The following DPP9 variants were observed in gnomAD, a reference collection of about 807,000 sequenced individuals.
The protein encoded by DPP9 is dipeptidyl peptidase 9.
Under a neutral mutation model 110.7 loss-of-function variants are expected in DPP9, and 50 were observed. The ratio of observed to expected loss-of-function variants is 0.45; its 90% CI spans 0.36 to 0.57. The LOEUF is 0.57. DPP9 is among the 20% of genes least tolerant of loss of function. DPP9 has a pLI of 0.00. For synonymous variants in DPP9, 561 were observed against 514.4 expected (o/e 1.09, Z -1.23); for missense variants, 1,022 against 1,217.9 (o/e 0.84, Z 2.39).
rs1407879351 is a variant in DPP9 at position 4,723,737 on chromosome 19, CG to C, written c.-153del. ...CGGGTCCAGCGGCGCCTCACGGTCG[CG>C]GCTCCATGCCCGGGACTGCGACCCC... On this transcript the variant is annotated 5_prime_UTR_variant, in exon 1 of 22. An upstream open reading frame in the 5' UTR loses its in-frame stop. Coordinates refer to ENST00000262960, the MANE Select transcript of DPP9 (RefSeq NM_139159.5). 6.5e-6 allele frequency: 1 copy of C among 154,108 alleles called. No homozygotes were observed. The highest frequency in any genetic ancestry group is 1.5e-5 in the Non-Finnish European group (1 of 68,436). The allele number at this position is 154,108 out of a possible 1,614,324, so 9.5% of individuals were successfully genotyped here. A position where few individuals can be genotyped will look rare whatever the true frequency, so the allele number is the denominator to read the frequency against.
At chr19:4,721,543 G>T (rs1300497020) in intron 2 of DPP9, among the ~76,000 whole-genome samples, 1 of 152,198 alleles carries the variant, frequency 6.6e-6, no homozygotes, top group South Asian at 2.1e-4. Flanking sequence ...CACTTTGGGG[G>T]GCTGAGGCGG....
At position 4,676,609 on chromosome 19, in the gene DPP9, C is replaced by T; in HGVS notation, c.2634G>A (p.Glu878=). Residue 878 remains glutamate, a synonymous_variant, in exon 22 of 22, where the codon GAG becomes GAA. Coordinates refer to ENST00000262960, the MANE Select transcript of DPP9 (RefSeq NM_139159.5). This position sits in a 1 kb window ranked among gnomAD's most constrained non-coding sequence, Gnocchi z 4.0. ...AGTGCAGCAACGTGACTTCATAGTG[C>T]TCGCCCGACTCGGGGCAGCGAATAC... The part of the protein sequence containing the change: ...RHSIRCPESG[E]HYEVTLLHFL... 1 of 1,608,968 alleles carries T rather than the reference C, an allele frequency of 6.2e-7. No homozygotes were observed. Among genetic ancestry groups the T allele is most frequent in the Non-Finnish European group, 8.5e-7 (1 of 1,177,800 alleles).
rs763957453 is a variant in DPP9 at position 4,685,525 on chromosome 19, G to C, written c.2031+101C>G. 2 of 1,307,780 alleles carry C rather than the reference G, an allele frequency of 1.5e-6. No individual in the cohort carries two copies. Among genetic ancestry groups the C allele is most frequent in the Non-Finnish European group, 2.1e-6 (2 of 945,142 alleles). The allele number at this position is 1,307,780 out of a possible 1,614,324, so 81.0% of individuals were successfully genotyped here. On this transcript the variant is annotated intron_variant, in intron 17 of 21. Transcript: ENST00000262960. The surrounding 1 kb of genome is among the most constrained non-coding windows in gnomAD (Gnocchi z 5.8). Reference sequence around the variant, plus strand: ...GGGGCACCAGGCAGGTAGCCGGGGAGCCTCCTCTGGTTGACTGTTCTACAG... The same window carrying C: ...GGGGCACCAGGCAGGTAGCCGGGGACCCTCCTCTGGTTGACTGTTCTACAG...
In DPP9 at chr19:4,682,938, C is replaced by A. The variant is rs1405295454; in HGVS notation, c.2332-100G>T. On this transcript the variant is annotated intron_variant, in intron 19 of 21. Transcript: ENST00000262960. The surrounding 1 kb of genome is among the most constrained non-coding windows in gnomAD (Gnocchi z 7.1). ...CCGCTGTCCCGGGGCCGCCCTGGAGCCCGTGAGGAGCGCTCATGCACATGG... is the reference window on the plus strand; with the variant it reads ...CCGCTGTCCCGGGGCCGCCCTGGAGACCGTGAGGAGCGCTCATGCACATGG... The A allele has an allele frequency of 3.9e-6, 6 of 1,535,428 alleles. No individual in the cohort carries two copies. The African/African-American group carries it at 6.8e-5, about 18-fold the overall frequency.
rs1426246943 is a variant in DPP9 at position 4,700,395 on chromosome 19, G to T, written c.1013-118C>A. On this transcript the variant is annotated intron_variant, in intron 9 of 21. Coordinates refer to ENST00000262960, the MANE Select transcript of DPP9 (RefSeq NM_139159.5). This position sits in a 1 kb window ranked among gnomAD's most constrained non-coding sequence, Gnocchi z 4.3. The stretch of plus-strand genomic sequence containing the variant: ...ACAGAGAGGTGTACAATTGGAGTGG[G>T]GGAGGCAGGAGAAGCCAGGTGTCCC... 2.8e-6 allele frequency: 2 copies of T among 722,690 alleles called. No individual in the cohort carries two copies. The highest frequency in any genetic ancestry group is 6.4e-5 in the East Asian group (2 of 31,212). The allele number at this position is 722,690 out of a possible 1,614,324, so 44.8% of individuals were successfully genotyped here.
chr19:4,679,644 C>G lies in DPP9; in HGVS notation c.2586+191G>C, dbSNP rs1420968576. On this transcript the variant is annotated intron_variant, in intron 21 of 21. Transcript: ENST00000262960. ...CAGGCGGAACCCTGAGCTGTCAAGA[C>G]AGGACTGATACATCAATGGCCCTGG... 1.0e-5 allele frequency: 6 copies of G among 593,782 alleles called. No individual in the cohort carries two copies. In the African/African-American group the frequency reaches 1.1e-4, roughly 11 times the overall value. The allele number at this position is 593,782 out of a possible 1,614,324, so 36.8% of individuals were successfully genotyped here.
At chr19:4,706,263 G>A (rs1291545060) in intron 4 of DPP9, among the ~76,000 whole-genome samples, 2 of 150,294 alleles carry the variant, frequency 1.3e-5, no homozygotes, top group Non-Finnish European at 3.0e-5. Context: ...TTGGGAGGCC[G>A]AGGCGAGAGG....
chr19:4,719,828 A>C, intron 3 of DPP9, 23 bp downstream of exon 3: 2 of 1,551,578 alleles, frequency 1.3e-6, no homozygotes, highest in Non-Finnish European at 1.7e-6. Context: ...CTCACGGATC[A>C]GGGCCTCCGA....
At chr19:4,702,213 A>G in intron 8 of DPP9, 58 bp from the exon 9 acceptor site, 8 of 1,557,796 alleles carry the variant, frequency 5.1e-6, no homozygotes, top group Non-Finnish European at 7.0e-6. Flanking sequence ...CCCTGCCATC[A>G]GCACCCCCCG....
At position 4,695,237 on chromosome 19, in the gene DPP9, G is replaced by A. The variant is rs1053878341; in HGVS notation, c.1353+141C>T. ...TAGACCCTCTTCCCTGCCAGCCAGGGATGGCCAAGGCCTGAGCTCACTTCT... is the reference window on the plus strand; with the variant it reads ...TAGACCCTCTTCCCTGCCAGCCAGGAATGGCCAAGGCCTGAGCTCACTTCT... On this transcript the variant is annotated intron_variant, in intron 12 of 21. Transcript: ENST00000262960. This position sits in a 1 kb window ranked among gnomAD's most constrained non-coding sequence, Gnocchi z 4.7. 10 of 910,636 alleles carry A rather than the reference G, an allele frequency of 1.1e-5. No individual in the cohort carries two copies. The highest frequency in any genetic ancestry group is 1.3e-5 in the Non-Finnish European group (8 of 623,896). The allele number at this position is 910,636 out of a possible 1,614,324, so 56.4% of individuals were successfully genotyped here. A position where few individuals can be genotyped will look rare whatever the true frequency, so the allele number is the denominator to read the frequency against.
rs149891412 is a variant in DPP9 at position 4,693,178 on chromosome 19, G to A, written c.1516+1483C>T. ...GTGGAGGCCAGGGATGCCACTTGGT[G>A]CACAGGATGGCCCCGCCCCAGAGAA... On this transcript the variant is annotated intron_variant, in intron 13 of 21. Coordinates refer to ENST00000262960, the MANE Select transcript of DPP9 (RefSeq NM_139159.5). The surrounding 1 kb of genome is among the most constrained non-coding windows in gnomAD (Gnocchi z 5.0). Among the ~76,000 whole-genome samples, 122 of 152,246 alleles carry A rather than the reference G, an allele frequency of 8.0e-4. 2 individuals are homozygous for A. Among genetic ancestry groups the A allele is most frequent in the African/African-American group, 2.9e-3 (119 of 41,560 alleles).
At chr19:4,690,560 T>C (rs1416315047) in intron 14 of DPP9, among the ~76,000 whole-genome samples, 2 of 152,244 alleles carry the variant, frequency 1.3e-5, no homozygotes, top group Non-Finnish European at 2.9e-5. Context: ...ACACACTTCC[T>C]CTTTCATGAT....
chr19:4,705,842 T>A lies in DPP9; in HGVS notation c.426+16A>T. 6.2e-7 allele frequency: 1 copy of A among 1,613,260 alleles called. No homozygotes were observed. Among genetic ancestry groups the A allele is most frequent in the Non-Finnish European group, 8.5e-7 (1 of 1,179,354 alleles). The stretch of plus-strand genomic sequence containing the variant: ...CCTCGCCCACGGTAGGGCCCACGCC[T>A]AATAGCACAGCTTACCTGGAAATGA... On this transcript the variant is annotated intron_variant, in intron 5 of 21. Transcript: ENST00000262960.
rs755932013 is a variant in DPP9 at position 4,682,993 on chromosome 19, G to A, written c.2332-155C>T. The A allele has an allele frequency of 1.8e-5, 28 of 1,530,274 alleles. No individual in the cohort carries two copies. The highest frequency in any genetic ancestry group is 3.8e-4 in the Middle Eastern group (2 of 5,226). The allele number at this position is 1,530,274 out of a possible 1,614,324, so 94.8% of individuals were successfully genotyped here. A position where few individuals can be genotyped will look rare whatever the true frequency, so the allele number is the denominator to read the frequency against. On this transcript the variant is annotated intron_variant, in intron 19 of 21. Coordinates refer to ENST00000262960, the MANE Select transcript of DPP9 (RefSeq NM_139159.5). This position sits in a 1 kb window ranked among gnomAD's most constrained non-coding sequence, Gnocchi z 7.1. ...GGCAAGGAAGGGGCCCTCAGACCGC[G>A]TGGCCCCCGTGGACGGTGCGTGGCA...
chr19:4,683,099 G>GCCTCCT, intron 19 of DPP9: 1 of 1,481,602 alleles, frequency 6.7e-7, no homozygotes, highest in Non-Finnish European at 9.0e-7. Context: ...CTGCCCGTCT[G>GCCTCCT]CCTCCTCCTC....
intron 4 of DPP9, among the ~76,000 whole-genome samples, chr19:4,707,306 A>G (rs1303172052): frequency 6.6e-6 from 1 of 152,162 alleles, no homozygotes; most frequent in Admixed American, 6.5e-5. Context: ...TATTTTCCAA[A>G]TGGTCATGTC....
chr19:4,715,025 T>TAC (rs1435392203), intron 3 of DPP9, among the ~76,000 whole-genome samples: 5 of 56,092 alleles, frequency 8.9e-5, no homozygotes, highest in African/African-American at 6.7e-4. Flanking sequence ...TATACTTTTT[T>TAC]TTTTTTTTTT....
Position 4,713,880 on chromosome 19 carries a change from G to A in DPP9, c.313+201C>T, listed in dbSNP as rs545660373. On this transcript the variant is annotated intron_variant, in intron 4 of 21. Coordinates refer to ENST00000262960, the MANE Select transcript of DPP9 (RefSeq NM_139159.5). ...TGGCTCCCTGCACGGCTGACCCTCC[G>A]GGGGCCGCCCCACCCACCCCGCGGC... is the stretch of plus-strand genomic sequence containing the variant. 9.4e-5 allele frequency among the ~76,000 whole-genome samples: 14 copies of A among 149,092 alleles called. No homozygotes were observed. In the East Asian group the frequency reaches 1.2e-3, roughly 12 times the overall value.
chr19:4,695,675 G>T lies in DPP9; in HGVS notation c.1176-120C>A. On this transcript the variant is annotated intron_variant, in intron 11 of 21. Coordinates refer to ENST00000262960, the MANE Select transcript of DPP9 (RefSeq NM_139159.5). This position sits in a 1 kb window ranked among gnomAD's most constrained non-coding sequence, Gnocchi z 4.7. The stretch of plus-strand genomic sequence containing the variant: ...GAATCAGGGCTGGGCTTCCTGCGCT[G>T]GCTTCACCTGCACTTGGCCAAGTAA... 1 of 827,690 alleles carries T rather than the reference G, an allele frequency of 1.2e-6. No individual in the cohort carries two copies. The highest frequency in any genetic ancestry group is 2.6e-5 in the South Asian group (1 of 38,888). 51.3% of individuals were successfully genotyped at this position (827,690 alleles called of 1,614,324 possible).
Sources: allele counts gnomAD v4.1 joint callset (sites outside exome capture counted in the v4.1 genomes callset), GRCh38; gene constraint gnomAD v4.1.1; non-coding constraint Gnocchi (gnomAD v3.1); transcripts MANE v1.5; gene names NCBI Gene and HGNC (gene_info 2026-07-23, HGNC 2026-07-21).